Variants in RUNX1 observed in about 807,000 individuals in gnomAD.
RUNX1 encodes the protein runt-related transcription factor 1.
Under a neutral mutation model 42.8 loss-of-function variants are expected in RUNX1, and 19 were observed. The observed-to-expected ratio is 0.44, with a 90% CI of 0.31 to 0.65. RUNX1 has a LOEUF of 0.65. Ranked by LOEUF, RUNX1 falls within the 30% of genes least tolerant of loss-of-function variation. RUNX1 has a pLI of 0.07. For missense variants in RUNX1, 528 were observed against 672.0 expected (o/e 0.79, Z 2.37); for synonymous variants, 271 against 289.4 (o/e 0.94, Z 0.64).
At chr21:34,917,020 A>G (rs1303473351) in intron 2 of RUNX1, among the ~76,000 whole-genome samples, 1 of 152,198 alleles carries the variant, frequency 6.6e-6, no homozygotes, top group African/African-American at 2.4e-5. Context: ...GAAAATAGCA[A>G]AGGCCATGCT....
chr21:34,842,726 C>T (rs542481840), intron 6 of RUNX1, among the ~76,000 whole-genome samples: 1 of 151,832 alleles, frequency 6.6e-6, no homozygotes, highest in Admixed American at 6.5e-5. Context: ...TACACACATA[C>T]AGACATGCAT....
intron 2 of RUNX1, among the ~76,000 whole-genome samples, chr21:34,952,890 T>C (rs748251377): frequency 5.3e-5 from 8 of 152,200 alleles, no homozygotes; most frequent in Non-Finnish European, 7.3e-5. Flanking sequence ...AGTGAGGTTA[T>C]GTAATTTGAG....
chr21:34,920,961 C>T (rs374148179), intron 2 of RUNX1, among the ~76,000 whole-genome samples: 4 of 152,118 alleles, frequency 2.6e-5, no homozygotes, highest in Non-Finnish European at 4.4e-5. Context: ...CGGGTTCAAG[C>T]GATTGTCTTG....
chr21:34,845,404 C>T (rs575242391), intron 6 of RUNX1, among the ~76,000 whole-genome samples: 2 of 152,334 alleles, frequency 1.3e-5, no homozygotes, highest in South Asian at 2.1e-4. Context: ...AATCCTTTCC[C>T]GATTCGAAAG....
intron 2 of RUNX1, among the ~76,000 whole-genome samples, chr21:34,995,892 G>A (rs531183439): frequency 6.6e-6 from 1 of 152,304 alleles, no homozygotes; most frequent in South Asian, 2.1e-4. Flanking sequence ...ATGTACATGT[G>A]TAGGTGTATG....
At chr21:34,938,138 T>C (rs1344888862) in intron 2 of RUNX1, among the ~76,000 whole-genome samples, 1 of 152,170 alleles carries the variant, frequency 6.6e-6, no homozygotes, top group East Asian at 1.9e-4. Flanking sequence ...GTGAAAAGCC[T>C]CAAAGTTACC....
At chr21:34,912,011 A>G (rs976624936) in intron 2 of RUNX1, among the ~76,000 whole-genome samples, 7 of 151,220 alleles carry the variant, frequency 4.6e-5, no homozygotes, top group Non-Finnish European at 1.0e-4. Flanking sequence ...GTCTTATTTG[A>G]TTTCTGTGTT....
At chr21:34,917,173 G>C (rs1360512229) in intron 2 of RUNX1, among the ~76,000 whole-genome samples, 1 of 152,202 alleles carries the variant, frequency 6.6e-6, no homozygotes, top group Non-Finnish European at 1.5e-5. Context: ...GCTTCAGGTA[G>C]AGCCTGAGGA....
intron 7 of RUNX1, among the ~76,000 whole-genome samples, chr21:34,803,539 T>G (rs2056637394): frequency 6.6e-6 from 1 of 150,890 alleles, no homozygotes; most frequent in African/African-American, 2.5e-5. Context: ...AGAGCCAGAC[T>G]CCGTCTCAGA....
chr21:34,843,515 T>C lies in RUNX1; in HGVS notation c.614-8914A>G, dbSNP rs950739436. 2.0e-5 allele frequency among the ~76,000 whole-genome samples: 3 copies of C among 151,868 alleles called. No individual in the cohort carries two copies. The highest frequency in any genetic ancestry group is 4.4e-5 in the Non-Finnish European group (3 of 67,972). On this transcript the variant is annotated intron_variant, in intron 6 of 8. Coordinates refer to ENST00000675419, the MANE Select transcript of RUNX1 (RefSeq NM_001754.5). This position sits in a 1 kb window ranked among gnomAD's most constrained non-coding sequence, Gnocchi z 4.8. ...TATACATCCATCACACATCCATACA[T>C]CCACTCACACACACACACCGTTCTG...
intron 2 of RUNX1, among the ~76,000 whole-genome samples, chr21:34,949,361 G>A (rs539303501): frequency 4.6e-5 from 7 of 152,182 alleles, no homozygotes; most frequent in Non-Finnish European, 1.0e-4. Context: ...TTGAATAGAC[G>A]CTCCCCAGCT....
intron 7 of RUNX1, among the ~76,000 whole-genome samples, chr21:34,822,737 G>A (rs1384085696): frequency 6.6e-6 from 1 of 152,192 alleles, no homozygotes; most frequent in African/African-American, 2.4e-5. Flanking sequence ...GACTTTTACA[G>A]ATATTTTAAT....
At chr21:34,887,223 C>G in intron 3 of RUNX1, 127 bp from the exon 4 acceptor site, 1 of 949,786 alleles carries the variant, frequency 1.1e-6, no homozygotes, top group Non-Finnish European at 1.2e-6. Flanking sequence ...CGTTCAGGGG[C>G]CTTTATTACT....
intron 2 of RUNX1, among the ~76,000 whole-genome samples, chr21:35,042,797 A>G (rs117495030): frequency 0.015 from 2,254 of 152,334 alleles, 19 homozygotes; most frequent in Middle Eastern, 0.061. Flanking sequence ...CACTGTGGTC[A>G]GCTTTTCTCT....
At chr21:34,925,931 T>C (rs1466473035) in intron 2 of RUNX1, among the ~76,000 whole-genome samples, 5 of 152,114 alleles carry the variant, frequency 3.3e-5, no homozygotes, top group Admixed American at 6.5e-5. Context: ...TATAGAGTGC[T>C]TTCCTTGTGC....
At chr21:34,804,661 T>C (rs2056654140) in intron 7 of RUNX1, among the ~76,000 whole-genome samples, 1 of 151,892 alleles carries the variant, frequency 6.6e-6, no homozygotes, top group Admixed American at 6.6e-5. Context: ...AATTTAACAA[T>C]GATTAACATG....
intron 2 of RUNX1, among the ~76,000 whole-genome samples, chr21:34,944,128 C>G (rs559378581): frequency 6.6e-6 from 1 of 152,264 alleles, no homozygotes; most frequent in African/African-American, 2.4e-5. Context: ...CCTGCCTCAG[C>G]CTCTCAAGTA....
chr21:34,970,839 T>C (rs2146746533), intron 2 of RUNX1, among the ~76,000 whole-genome samples: 1 of 152,294 alleles, frequency 6.6e-6, no homozygotes, highest in Non-Finnish European at 1.5e-5. Context: ...AGCCATTCTT[T>C]GTATTACTCT....
At chr21:35,032,648 C>G (rs752338200) in intron 2 of RUNX1, among the ~76,000 whole-genome samples, 21 of 152,198 alleles carry the variant, frequency 1.4e-4, no homozygotes, top group Non-Finnish European at 2.6e-4. Flanking sequence ...CATGCTTCTC[C>G]TTGCACACTT....
Sources: gnomAD v4.1 joint callset for allele counts (sites outside exome capture counted in the v4.1 genomes callset) on GRCh38, gnomAD v4.1.1 for gene constraint, Gnocchi (gnomAD v3.1) non-coding constraint, MANE v1.5 for transcripts, NCBI Gene and HGNC (gene_info 2026-07-23, HGNC 2026-07-21) for gene names.